TFR2: variants seen among roughly 807,000 people sequenced by gnomAD.
TFR2 encodes the protein transferrin receptor protein 2.
A neutral mutation model predicts 91.9 loss-of-function variants in TFR2; 64 were observed. That is an observed-to-expected ratio of 0.70 (90% CI 0.57 to 0.86). TFR2 has a LOEUF of 0.86. Ranked by LOEUF, TFR2 falls within the 40% of genes least tolerant of loss-of-function variation. TFR2 has a pLI of 0.00. For synonymous variants in TFR2, 454 were observed against 459.6 expected (o/e 0.99, Z 0.15); for missense variants, 950 against 1,080.5 (o/e 0.88, Z 1.69).
chr7:100,624,562 T>G (rs541285148), intron 17 of TFR2, among the ~76,000 whole-genome samples: 1 of 152,316 alleles, frequency 6.6e-6, no homozygotes, highest in Non-Finnish European at 1.5e-5. Flanking sequence ...CATGGCTGTT[T>G]CAATAAAACT....
rs1440541712 is a variant in TFR2, at chr7:100,620,728, G to T, written c.*129C>A. ...GGGTCTGGGCTCCGTGGAGAGATGT[G>T]TAGGGGTAATGAGAAATTGATCAGC... On this transcript the variant is annotated 3_prime_UTR_variant, in exon 18 of 18. Coordinates refer to ENST00000223051, the MANE Select transcript of TFR2 (RefSeq NM_003227.4). 4.5e-6 allele frequency: 6 copies of T among 1,320,448 alleles called. No homozygotes were observed. The African/African-American group carries it at 7.3e-5, about 16-fold the overall frequency. 81.8% of individuals were successfully genotyped at this position (1,320,448 alleles called of 1,614,324 possible).
At chr7:100,627,150 G>A in intron 16 of TFR2, 114 bp downstream of exon 16, 2 of 1,325,300 alleles carry the variant, frequency 1.5e-6, no homozygotes, top group Non-Finnish European at 2.1e-6. Context: ...TTAATGGGCT[G>A]GATTGCCAGA....
At position 100,620,575 on chromosome 7, in the gene TFR2, T is replaced by G; in HGVS notation, c.*282A>C. On this transcript the variant is annotated 3_prime_UTR_variant, in exon 18 of 18. Coordinates refer to ENST00000223051, the MANE Select transcript of TFR2 (RefSeq NM_003227.4). Reference sequence around the variant, plus strand: ...CAAACCTCCCAGAGTGGTCTCTAGGTATGGAGGACCCCAGAAAGGGGAAGG... The same window carrying G: ...CAAACCTCCCAGAGTGGTCTCTAGGGATGGAGGACCCCAGAAAGGGGAAGG... 1 of 402,496 alleles carries G rather than the reference T, an allele frequency of 2.5e-6. No homozygotes were observed. Among genetic ancestry groups the G allele is most frequent in the Non-Finnish European group, 4.6e-6 (1 of 216,638 alleles). 24.9% of individuals were successfully genotyped at this position (402,496 alleles called of 1,614,324 possible).
rs563694182 is a variant in TFR2 at position 100,627,729 on chromosome 7, A to AC, written c.1682+14dup. On this transcript the variant is annotated intron_variant, in intron 14 of 17. Coordinates refer to ENST00000223051, the MANE Select transcript of TFR2 (RefSeq NM_003227.4). ...CCCACATCCCTCCCCAGCTCTCCCT[A>AC]CCCCCCCAACTTACACCTCAGCATC... 86 of 1,608,984 alleles carry AC rather than the reference A, an allele frequency of 5.3e-5. No individual in the cohort carries two copies. The highest frequency in any genetic ancestry group is 6.8e-5 in the African/African-American group (5 of 73,834).
In TFR2 at chr7:100,633,229, C is replaced by T. The variant is rs748604696; in HGVS notation, c.726G>A (p.Thr242=). The T allele has an allele frequency of 5.0e-6, 8 of 1,613,576 alleles. No individual in the cohort carries two copies. Among genetic ancestry groups the T allele is most frequent in the Non-Finnish European group, 6.8e-6 (8 of 1,179,866 alleles). ...CTAGGAGCGGGCAGGGGGTGCTCAC[C>T]GTGACGTTGCCGATGGCGCTGTAGG... ...YCPYSAIGNV[T]GELVYAHYGR... The change falls in exon 5 of 18, where the codon ACG becomes ACA. Residue 242 remains threonine, a splice_region_variant and synonymous_variant. Transcript: ENST00000223051.
rs1324111442 is a variant in TFR2 at position 100,641,106 on chromosome 7, G to A, written c.156C>T (p.Cys52=). 1 of 1,590,896 alleles carries A rather than the reference G, an allele frequency of 6.3e-7. No individual in the cohort carries two copies. Among genetic ancestry groups the A allele is most frequent in the Non-Finnish European group, 8.6e-7 (1 of 1,168,300 alleles). The part of the protein sequence containing the change: ...EEGAETLAHF[C]PMELRGPEPL... Reference sequence around the variant, plus strand: ...GCTCAGGGCCCCTCAGCTCCATGGGGCAGAAGTGGGCCAATGTCTCCGCCC... The same window carrying A: ...GCTCAGGGCCCCTCAGCTCCATGGGACAGAAGTGGGCCAATGTCTCCGCCC... Residue 52 remains cysteine (C), a synonymous_variant, in exon 2 of 18, where the codon TGC becomes TGT. Coordinates refer to ENST00000223051, the MANE Select transcript of TFR2 (RefSeq NM_003227.4).
chr7:100,624,831 T>C (rs548456870), intron 17 of TFR2, among the ~76,000 whole-genome samples: 59 of 151,146 alleles, frequency 3.9e-4, no homozygotes, highest in Non-Finnish European at 7.7e-4. Flanking sequence ...CAGATCATGC[T>C]ACTGCACTCC....
Position 100,627,418 on chromosome 7 carries a change from C to T in TFR2, c.1841G>A (p.Arg614His), listed in dbSNP as rs751724123. The T allele has an allele frequency of 8.9e-6, 14 of 1,574,770 alleles. No individual in the cohort carries two copies. Among genetic ancestry groups the T allele is most frequent in the Middle Eastern group, 1.7e-4 (1 of 6,026 alleles). Residue 614 changes from arginine (R) to histidine (H), a missense_variant, in exon 16 of 18, where the codon CGC (arginine) becomes CAC (histidine). Coordinates refer to ENST00000223051, the MANE Select transcript of TFR2 (RefSeq NM_003227.4). Reference protein sequence around the residue: ...YENLHKVLQGRLPAVAQAVAQ... With the variant: ...YENLHKVLQGHLPAVAQAVAQ... The stretch of plus-strand genomic sequence containing the variant: ...CACGGCCTGGGCCACGGCGGGCAGG[C>T]GGCCTTGCAGCACCTTATGCAGGTT...
intron 1 of TFR2, 82 bp downstream of exon 1, chr7:100,641,395 G>C: frequency 6.3e-7 from 1 of 1,581,210 alleles, no homozygotes; most frequent in South Asian, 1.1e-5. Context: ...GGTCCAGGAG[G>C]GGCCAGCCTC....
chr7:100,620,756 T>C lies in TFR2; in HGVS notation c.*101A>G. The C allele has an allele frequency of 1.3e-6, 2 of 1,516,786 alleles. No individual in the cohort carries two copies. The highest frequency in any genetic ancestry group is 1.7e-5 in the Admixed American group (1 of 57,784). The allele number at this position is 1,516,786 out of a possible 1,614,324, so 94.0% of individuals were successfully genotyped here. A position where few individuals can be genotyped will look rare whatever the true frequency, so the allele number is the denominator to read the frequency against. ...GGGGTAATGAGAAATTGATCAGCAA[T>C]GAGAGGTGGACTCTGAGCCACCTCC... On this transcript the variant is annotated 3_prime_UTR_variant, in exon 18 of 18. Coordinates refer to ENST00000223051, the MANE Select transcript of TFR2 (RefSeq NM_003227.4).
chr7:100,627,533 TG>T (rs1562838451), intron 15 of TFR2, 42 bp from the exon 16 acceptor site: 5 of 1,613,842 alleles, frequency 3.1e-6, no homozygotes, highest in Non-Finnish European at 4.2e-6. Context: ...GCAGACAGGC[TG>T]AAGGACTAGC....
rs578209125 is a variant in TFR2 at position 100,641,272 on chromosome 7, G to A, written c.34-44C>T. On this transcript the variant is annotated intron_variant, in intron 1 of 17. Coordinates refer to ENST00000223051, the MANE Select transcript of TFR2 (RefSeq NM_003227.4). ...CATGAGATTGGGGCAAGAGGCCTGG[G>A]GGGTGGGGAGGCATCTGGCAATAAT... is the stretch of plus-strand genomic sequence containing the variant. 202 of 1,530,228 alleles carry A rather than the reference G, an allele frequency of 1.3e-4. 1 individual carries two copies. The Admixed American group carries it at 1.5e-3, about 11-fold the overall frequency. The allele number at this position is 1,530,228 out of a possible 1,614,324, so 94.8% of individuals were successfully genotyped here.
intron 3 of TFR2, among the ~76,000 whole-genome samples, chr7:100,638,241 G>C (rs1449866977): frequency 6.6e-6 from 1 of 151,866 alleles, no homozygotes; most frequent in African/African-American, 2.4e-5. Context: ...CTGACCTCAT[G>C]ATCTGCCCAC....
At chr7:100,633,592 C>T (rs775877979) in intron 3 of TFR2, 36 bp from the exon 4 acceptor site, 10 of 1,579,442 alleles carry the variant, frequency 6.3e-6, no homozygotes, top group Non-Finnish European at 7.7e-6. Flanking sequence ...TCTGGGCGCC[C>T]GGAGGAGAGG....
Position 100,629,154 on chromosome 7 carries a change from T to C in TFR2, c.1390+99A>G, listed in dbSNP as rs1803355974. On this transcript the variant is annotated intron_variant, in intron 10 of 17. Transcript: ENST00000223051. Reference sequence around the variant, plus strand: ...TGGATGCCGAGGTCCAAGTGACCACTGGCCAGTCTGTGTCCCTCACTGCCT... The same window carrying C: ...TGGATGCCGAGGTCCAAGTGACCACCGGCCAGTCTGTGTCCCTCACTGCCT... The C allele has an allele frequency of 1.5e-5, 22 of 1,498,436 alleles. No homozygotes were observed. In the South Asian group the frequency reaches 2.4e-4, roughly 16 times the overall value. 92.8% of individuals were successfully genotyped at this position (1,498,436 alleles called of 1,614,324 possible).
chr7:100,624,766 CTGAGG>C (rs1428300113), intron 17 of TFR2, among the ~76,000 whole-genome samples: 1 of 151,534 alleles, frequency 6.6e-6, no homozygotes, highest in Non-Finnish European at 1.5e-5. Flanking sequence ...ACTCAGGAGG[CTGAGG>C]TGAGGTGAGA....
intron 17 of TFR2, 59 bp from the exon 18 acceptor site, chr7:100,621,185 G>C: frequency 7.0e-7 from 1 of 1,432,430 alleles, no homozygotes; most frequent in Non-Finnish European, 9.2e-7. Context: ...GCAAAGGCCC[G>C]AGTCACCCTT....
rs368761907 is a variant in TFR2, at chr7:100,627,441, G to C, written c.1818C>G (p.Asn606Lys). The change falls in exon 16 of 18, where the codon AAC (asparagine) becomes AAG (lysine). Residue 606 changes from asparagine to lysine, a missense_variant. Asn to Lys is a moderately conservative substitution (Grantham distance 94). Transcript: ENST00000223051. ...FLHTKEDTYE[N>K]LHKVLQGRLP... ...GGCGGCCTTGCAGCACCTTATGCAG[G>C]TTCTCATAAGTGTCCTCCTTTGTGT... 56 of 1,594,516 alleles carry C rather than the reference G, an allele frequency of 3.5e-5. No individual in the cohort carries two copies. The highest frequency in any genetic ancestry group is 4.6e-5 in the Non-Finnish European group (54 of 1,170,790).
At chr7:100,628,989 C>T (rs1803349282) in intron 10 of TFR2, among the ~76,000 whole-genome samples, 1 of 152,174 alleles carries the variant, frequency 6.6e-6, no homozygotes, top group South Asian at 2.1e-4. Context: ...TCTCAAACTC[C>T]TGACCTCAGG....
Sources: allele counts gnomAD v4.1 joint callset (sites outside exome capture counted in the v4.1 genomes callset), GRCh38; gene constraint gnomAD v4.1.1; transcripts MANE v1.5; gene names NCBI Gene and HGNC (gene_info 2026-07-23, HGNC 2026-07-21).